Variants in TMEM132C observed in about 807,000 individuals in gnomAD.
TMEM132C encodes the protein transmembrane protein 132C, also known as protein phosphatase 1, regulatory subunit 152.
Under a neutral mutation model 61.4 loss-of-function variants are expected in TMEM132C, and 29 were observed. The ratio of observed to expected loss-of-function variants is 0.47; its 90% CI spans 0.35 to 0.64. TMEM132C has a LOEUF of 0.64. Ranked by LOEUF, TMEM132C falls within the 30% of genes least tolerant of loss-of-function variation. The pLI is 0.00. For synonymous variants in TMEM132C, 656 were observed against 633.1 expected (o/e 1.04, Z -0.54); for missense variants, 1,408 against 1,476.9 (o/e 0.95, Z 0.76).
chr12:128,632,269 T>C (rs1465120983), intron 4 of TMEM132C, among the ~76,000 whole-genome samples: 1 of 152,220 alleles, frequency 6.6e-6, no homozygotes, highest in Non-Finnish European at 1.5e-5. Context: ...AAGGATTACT[T>C]CAGTTGATCT....
At chr12:128,619,151 A>G (rs751776806) in intron 4 of TMEM132C, among the ~76,000 whole-genome samples, 1 of 152,246 alleles carries the variant, frequency 6.6e-6, no homozygotes, top group Non-Finnish European at 1.5e-5. Context: ...GTTAGCAGCC[A>G]GTGAGACAGC....
intron 3 of TMEM132C, among the ~76,000 whole-genome samples, chr12:128,562,854 G>T (rs909959104): frequency 3.9e-5 from 6 of 152,330 alleles, no homozygotes; most frequent in African/African-American, 1.4e-4. Context: ...TTGAGTTCTT[G>T]TAGCAGCTTC....
rs113251210 is a variant in TMEM132C at position 128,638,869 on chromosome 12, A to G, written c.1305+22534A>G. ...GATGATGGTGATGGTGGTGATGAAG[A>G]GGAGAATGGTGATGATGGTGGTGGT... On this transcript the variant is annotated intron_variant, in intron 4 of 8. Coordinates refer to ENST00000435159, the MANE Select transcript of TMEM132C (RefSeq NM_001136103.3). Among the ~76,000 whole-genome samples, 335 of 129,890 alleles carry G rather than the reference A, an allele frequency of 2.6e-3. 4 individuals are homozygous for G. Among genetic ancestry groups the G allele is most frequent in the African/African-American group, 8.9e-3 (317 of 35,744 alleles). The allele number at this position is 129,890 out of a possible 152,430, so 85.2% of individuals were successfully genotyped here.
At chr12:128,521,820 T>C (rs988741157) in intron 2 of TMEM132C, among the ~76,000 whole-genome samples, 1 of 152,202 alleles carries the variant, frequency 6.6e-6, no homozygotes, top group Non-Finnish European at 1.5e-5. Context: ...TTAAAAAATA[T>C]TTAAAGTCCT....
At chr12:128,572,960 TG>T (rs1874947227) in intron 3 of TMEM132C, among the ~76,000 whole-genome samples, 1 of 152,244 alleles carries the variant, frequency 6.6e-6, no homozygotes, top group African/African-American at 2.4e-5. Context: ...CAACAGGTGC[TG>T]GAGAGGATGT....
intron 1 of TMEM132C, among the ~76,000 whole-genome samples, chr12:128,307,479 A>G (rs1384768587): frequency 6.6e-6 from 1 of 152,172 alleles, no homozygotes; most frequent in African/African-American, 2.4e-5. Flanking sequence ...CCGTATTTTA[A>G]TATGCATTAT....
rs545813970 is a variant in TMEM132C at position 128,669,473 on chromosome 12, C to G, written c.1362C>G (p.Ile454Met). The stretch of plus-strand genomic sequence containing the variant: ...CAGGAAAGACAGTTGCCATGCCTAT[C>G]AAGGTGGTCTCTGTGGAGGAGAACA... ...VLTGKTVAMP[I>M]KVVSVEENSA... The change falls in exon 5 of 9, where the codon ATC (isoleucine) becomes ATG (methionine). Residue 454 changes from isoleucine to methionine, a missense_variant. Physicochemically the swap from Ile to Met is conservative, Grantham distance 10 (BLOSUM62 1). Transcript: ENST00000435159. 2 of 1,551,686 alleles carry G rather than the reference C, an allele frequency of 1.3e-6. No individual in the cohort carries two copies. The highest frequency in any genetic ancestry group is 1.4e-5 in the African/African-American group (1 of 73,146).
chr12:128,279,821 AAACTAT>A (rs918119433), intron 1 of TMEM132C, among the ~76,000 whole-genome samples: 1 of 152,198 alleles, frequency 6.6e-6, no homozygotes, highest in African/African-American at 2.4e-5. Context: ...ACCTCCTGAT[AAACTAT>A]AACTTTGACT....
intron 2 of TMEM132C, among the ~76,000 whole-genome samples, chr12:128,501,541 A>C (rs951418735): frequency 3.3e-5 from 5 of 152,154 alleles, no homozygotes; most frequent in African/African-American, 1.2e-4. Flanking sequence ...CTAAACGTAC[A>C]TTCTCCACTC....
At chr12:128,271,429 A>G (rs1870518660) in intron 1 of TMEM132C, among the ~76,000 whole-genome samples, 1 of 152,082 alleles carries the variant, frequency 6.6e-6, no homozygotes, top group South Asian at 2.1e-4. Context: ...GTCCATTATA[A>G]AAAAGATTTT....
At chr12:128,418,770 A>G (rs1868871312) in intron 2 of TMEM132C, among the ~76,000 whole-genome samples, 1 of 152,176 alleles carries the variant, frequency 6.6e-6, no homozygotes. Context: ...TTTCCAGCTT[A>G]TCTGTGTGAC....
chr12:128,639,307 G>A (rs1954135792), intron 4 of TMEM132C, among the ~76,000 whole-genome samples: 1 of 151,748 alleles, frequency 6.6e-6, no homozygotes, highest in African/African-American at 2.4e-5. Flanking sequence ...TGATGATGGT[G>A]ATGATGGTAT....
chr12:128,355,920 G>T (rs1408954511), intron 1 of TMEM132C, among the ~76,000 whole-genome samples: 1 of 152,052 alleles, frequency 6.6e-6, no homozygotes, highest in Admixed American at 6.5e-5. Context: ...CCCCCTTCCT[G>T]CCTTGTCACC....
intron 3 of TMEM132C, among the ~76,000 whole-genome samples, chr12:128,579,131 G>A (rs915907600): frequency 3.3e-5 from 5 of 152,158 alleles, no homozygotes; most frequent in South Asian, 4.1e-4. Flanking sequence ...GGCCAGTGGC[G>A]CCATCTTATA....
chr12:128,701,040 T>C (rs908810275), intron 8 of TMEM132C, among the ~76,000 whole-genome samples: 13 of 152,156 alleles, frequency 8.5e-5, no homozygotes, highest in Non-Finnish European at 1.9e-4. Context: ...GGAGCTCCTG[T>C]CTGCTGGGCG....
At chr12:128,508,117 AG>A (rs1464470486) in intron 2 of TMEM132C, among the ~76,000 whole-genome samples, 4 of 152,168 alleles carry the variant, frequency 2.6e-5, no homozygotes, top group Admixed American at 6.5e-5. Flanking sequence ...GGGAAGAAAA[AG>A]AGGTTTAATG....
chr12:128,401,913 T>G (rs1447331530), intron 1 of TMEM132C, among the ~76,000 whole-genome samples: 1 of 152,174 alleles, frequency 6.6e-6, no homozygotes, highest in East Asian at 1.9e-4. Flanking sequence ...CCATAGATGT[T>G]TACATCCCTA....
intron 1 of TMEM132C, among the ~76,000 whole-genome samples, chr12:128,354,579 C>T (rs1187751179): frequency 6.6e-6 from 1 of 151,854 alleles, no homozygotes; most frequent in African/African-American, 2.4e-5. Flanking sequence ...AACAGGGTGT[C>T]TAAATTCAAA....
intron 2 of TMEM132C, among the ~76,000 whole-genome samples, chr12:128,491,806 T>A (rs7137322): frequency 0.34 from 50,791 of 151,182 alleles, 9,033 homozygotes; most frequent in East Asian, 0.57. Flanking sequence ...TACCCCACTG[T>A]CCTCTTATGG....
Sources: gnomAD v4.1 joint callset for allele counts (sites outside exome capture counted in the v4.1 genomes callset) on GRCh38, gnomAD v4.1.1 for gene constraint, MANE v1.5 for transcripts, NCBI Gene and HGNC (gene_info 2026-07-23, HGNC 2026-07-21) for gene names.